PAX3: variants seen among roughly 807,000 people sequenced by gnomAD.
The protein encoded by PAX3 is paired box 3.
In PAX3, 14 loss-of-function variants were observed where a neutral mutation model predicts 51.6. The observed-to-expected ratio is 0.27, with a 90% confidence interval of 0.18 to 0.42. PAX3 has a LOEUF of 0.42. Among genes scored for constraint, PAX3 ranks in the 10% least tolerant of loss-of-function variants. The pLI, the probability that PAX3 is intolerant of heterozygous loss-of-function variation, is 1.00. For missense variants in PAX3, 540 were observed against 642.8 expected (o/e 0.84, Z 1.73); for synonymous variants, 280 against 253.4 (o/e 1.11, Z -1.00).
intron 3 of PAX3, 142 bp downstream of exon 3, chr2:222,295,386 G>T: frequency 2.1e-6 from 2 of 975,136 alleles, no homozygotes; most frequent in Non-Finnish European, 3.2e-6. Flanking sequence ...AGAACACCGG[G>T]TTGGCAAATA....
chr2:222,240,091 A>G (rs995758425), intron 4 of PAX3, among the ~76,000 whole-genome samples: 1 of 152,166 alleles, frequency 6.6e-6, no homozygotes, highest in Admixed American at 6.5e-5. Flanking sequence ...TCAAAATAGC[A>G]CAAATAAACC....
At chr2:222,293,298 C>A (rs1008464632) in intron 4 of PAX3, among the ~76,000 whole-genome samples, 2 of 152,230 alleles carry the variant, frequency 1.3e-5, no homozygotes, top group Non-Finnish European at 2.9e-5. Context: ...CCTGCCGTCT[C>A]CTGCTGCAAT....
chr2:222,266,333 T>C (rs909294035), intron 4 of PAX3, among the ~76,000 whole-genome samples: 4 of 152,190 alleles, frequency 2.6e-5, no homozygotes, highest in Non-Finnish European at 4.4e-5. Flanking sequence ...ACAAGAACAA[T>C]ACCTGATGCT....
intron 7 of PAX3, among the ~76,000 whole-genome samples, chr2:222,215,569 G>C (rs534307579): frequency 2.0e-5 from 3 of 152,080 alleles, no homozygotes; most frequent in Admixed American, 6.6e-5. Context: ...GTGTGTCTTG[G>C]GGGTAGGGGA....
At chr2:222,227,422 C>T (rs762522549) in intron 5 of PAX3, among the ~76,000 whole-genome samples, 1 of 152,110 alleles carries the variant, frequency 6.6e-6, no homozygotes, top group Non-Finnish European at 1.5e-5. Context: ...ATGGTGAAAC[C>T]GCATCTCTAC....
At chr2:222,229,874 G>C (rs77337416) in intron 5 of PAX3, among the ~76,000 whole-genome samples, 1 of 152,056 alleles carries the variant, frequency 6.6e-6, no homozygotes, top group East Asian at 1.9e-4. Flanking sequence ...TATCTAGCCC[G>C]GAAAGTTCAT....
chr2:222,206,183 GT>G (rs1691502095), intron 7 of PAX3, among the ~76,000 whole-genome samples: 1 of 151,260 alleles, frequency 6.6e-6, no homozygotes, highest in Non-Finnish European at 1.5e-5. Context: ...TGATTGCCTA[GT>G]TTTGACAAAC....
At chr2:222,210,714 C>T (rs1691692439) in intron 7 of PAX3, among the ~76,000 whole-genome samples, 1 of 152,128 alleles carries the variant, frequency 6.6e-6, no homozygotes, top group Non-Finnish European at 1.5e-5. Flanking sequence ...TCTAAATGGA[C>T]ATCAATATGA....
At chr2:222,293,287 C>G (rs1462233076) in intron 4 of PAX3, among the ~76,000 whole-genome samples, 1 of 152,240 alleles carries the variant, frequency 6.6e-6, no homozygotes, top group Non-Finnish European at 1.5e-5. Context: ...CTCCCCTCCC[C>G]CCTGCCGTCT....
chr2:222,204,110 C>A lies in PAX3; in HGVS notation c.1174-1920G>T, dbSNP rs78981530. Among the ~76,000 whole-genome samples the A allele has an allele frequency of 2.6e-4, 40 of 151,976 alleles. No individual in the cohort carries two copies. The East Asian group carries it at 5.8e-3, about 22-fold the overall frequency. Reference sequence around the variant, plus strand: ...AAATTAGTTATATTTTTAAAAAAAACACACAAAACATCATTTGTGGCAGAG... The same window carrying A: ...AAATTAGTTATATTTTTAAAAAAAAAACACAAAACATCATTTGTGGCAGAG... On this transcript the variant is annotated intron_variant, in intron 7 of 8. Transcript: ENST00000392070.
chr2:222,275,110 C>A (rs1182905447), intron 4 of PAX3, among the ~76,000 whole-genome samples: 1 of 152,042 alleles, frequency 6.6e-6, no homozygotes, highest in African/African-American at 2.4e-5. Flanking sequence ...AATTTCGATT[C>A]AAAGTTCAAA....
intron 7 of PAX3, among the ~76,000 whole-genome samples, chr2:222,210,603 G>A (rs1464195553): frequency 6.6e-6 from 1 of 152,066 alleles, no homozygotes; most frequent in African/African-American, 2.4e-5. Context: ...TCATTATAGT[G>A]GGTTCTCATG....
intron 4 of PAX3, among the ~76,000 whole-genome samples, chr2:222,255,782 C>A (rs868074044): frequency 1.5e-5 from 2 of 136,542 alleles, no homozygotes; most frequent in Admixed American, 7.3e-5. Flanking sequence ...CAATTATATT[C>A]TTTTTTTTTT....
At chr2:222,221,419 A>G (rs1559264588) in intron 5 of PAX3, 32 bp from the exon 6 acceptor site, 2 of 1,588,850 alleles carry the variant, frequency 1.3e-6, no homozygotes, top group Non-Finnish European at 1.7e-6. Context: ...TAAGGATTTC[A>G]CTGATGAAAT....
chr2:222,210,563 C>T (rs979716393), intron 7 of PAX3, among the ~76,000 whole-genome samples: 1 of 152,132 alleles, frequency 6.6e-6, no homozygotes, highest in Admixed American at 6.6e-5. Flanking sequence ...CTGCTCCTAG[C>T]CCCATGGAAT....
chr2:222,219,640 G>T (rs1692105220), intron 7 of PAX3, among the ~76,000 whole-genome samples: 1 of 152,156 alleles, frequency 6.6e-6, no homozygotes, highest in Non-Finnish European at 1.5e-5. Context: ...GTAGTCATCA[G>T]CTGGGTCTCT....
chr2:222,216,007 T>A (rs1691941354), intron 7 of PAX3, among the ~76,000 whole-genome samples: 1 of 152,188 alleles, frequency 6.6e-6, no homozygotes, highest in Non-Finnish European at 1.5e-5. Flanking sequence ...CTCTCACGCA[T>A]CACTGAGAAT....
intron 4 of PAX3, among the ~76,000 whole-genome samples, chr2:222,279,667 G>A (rs1694566151): frequency 6.6e-6 from 1 of 152,174 alleles, no homozygotes; most frequent in African/African-American, 2.4e-5. Context: ...CAATGTGAAA[G>A]ATAGTCATTG....
intron 4 of PAX3, chr2:222,262,623 G>T (rs1034056799): frequency 2.6e-5 from 4 of 151,010 alleles, no homozygotes; most frequent in African/African-American, 9.7e-5. Flanking sequence ...TGTAGATACA[G>T]ACAAACTAAT....
Sources: allele counts gnomAD v4.1 joint callset (sites outside exome capture counted in the v4.1 genomes callset), GRCh38; gene constraint gnomAD v4.1.1; transcripts MANE v1.5; gene names NCBI Gene and HGNC (gene_info 2026-07-23, HGNC 2026-07-21).